PCSK5: variants seen among roughly 807,000 people sequenced by gnomAD.
PCSK5 encodes prohormone convertase 5.
A neutral mutation model predicts 233.2 loss-of-function variants in PCSK5; 129 were observed. The ratio of observed to expected loss-of-function variants is 0.55; its 90% CI spans 0.48 to 0.64. The LOEUF is 0.64. Ranked by LOEUF, PCSK5 falls within the 30% of genes least tolerant of loss-of-function variation. The pLI is 0.00. For missense variants in PCSK5, 2,076 were observed against 2,430.1 expected (o/e 0.85, Z 3.06); for synonymous variants, 825 against 879.2 (o/e 0.94, Z 1.09).
chr9:76,153,115 C>G (rs1823742122), intron 10 of PCSK5, among the ~76,000 whole-genome samples: 1 of 152,112 alleles, frequency 6.6e-6, no homozygotes, highest in Non-Finnish European at 1.5e-5. Flanking sequence ...TATCTTATAC[C>G]TATCAAAATG....
At chr9:75,923,896 A>G (rs1308893319) in intron 1 of PCSK5, among the ~76,000 whole-genome samples, 2 of 152,054 alleles carry the variant, frequency 1.3e-5, no homozygotes, top group Non-Finnish European at 2.9e-5. Flanking sequence ...AGCATTTTCA[A>G]ATCTTTCTCC....
chr9:76,057,784 C>T (rs1158312310), intron 5 of PCSK5, among the ~76,000 whole-genome samples: 1 of 149,234 alleles, frequency 6.7e-6, no homozygotes, highest in African/African-American at 2.5e-5. Context: ...TATTCAATTA[C>T]ATCTTTCCTG....
intron 2 of PCSK5, among the ~76,000 whole-genome samples, chr9:75,938,941 C>T (rs944177121): frequency 3.9e-5 from 6 of 152,118 alleles, no homozygotes; most frequent in African/African-American, 7.2e-5. Flanking sequence ...TTTTGATCAT[C>T]ACCTTCTCAA....
intron 13 of PCSK5, among the ~76,000 whole-genome samples, chr9:76,174,309 AT>A (rs199929777): frequency 1.9e-3 from 279 of 143,080 alleles, no homozygotes; most frequent in Admixed American, 2.0e-3. Context: ...CCAAAAAAAA[AT>A]TTTTTTTTTT....
intron 5 of PCSK5, among the ~76,000 whole-genome samples, chr9:76,054,243 G>A (rs1829742743): frequency 6.6e-6 from 1 of 152,160 alleles, no homozygotes; most frequent in South Asian, 2.1e-4. Context: ...TGGGGACACA[G>A]CCAAACCATA....
rs1430409427 is a variant in PCSK5 at position 76,046,583 on chromosome 9, C to T, written c.632+19546C>T. 5.6e-5 allele frequency among the ~76,000 whole-genome samples: 6 copies of T among 107,782 alleles called. No individual in the cohort carries two copies. The East Asian group carries it at 1.0e-3, about 19-fold the overall frequency. 70.7% of individuals were successfully genotyped at this position (107,782 alleles called of 152,430 possible). The stretch of plus-strand genomic sequence containing the variant: ...TCTTTTTTTTTTTTTTTTTTTGAGA[C>T]GGAGTGTGGCTCTGTTGCCCAGGCT... On this transcript the variant is annotated intron_variant, in intron 5 of 37. Transcript: ENST00000674117.
chr9:76,312,258 C>T (rs1213441143), intron 30 of PCSK5, among the ~76,000 whole-genome samples: 1 of 152,176 alleles, frequency 6.6e-6, no homozygotes, highest in Non-Finnish European at 1.5e-5. Flanking sequence ...CGCCTGTAAT[C>T]ACAGCATTTT....
rs141795283 is a variant in PCSK5 at position 76,111,168 on chromosome 9, C to T, written c.1208+3817C>T. Among the ~76,000 whole-genome samples the T allele has an allele frequency of 3.9e-5, 6 of 152,198 alleles. No individual in the cohort carries two copies. The Middle Eastern group carries it at 0.01, about 259-fold the overall frequency. ...AATAACTTTGCTGTAACAGCTAGTA[C>T]GACTCCCAGGCCATCCTTTTTCTAC... On this transcript the variant is annotated intron_variant, in intron 9 of 37. Coordinates refer to ENST00000674117, the MANE Select transcript of PCSK5 (RefSeq NM_001372043.1).
intron 9 of PCSK5, among the ~76,000 whole-genome samples, chr9:76,130,157 G>A (rs753705270): frequency 3.9e-5 from 6 of 152,054 alleles, no homozygotes; most frequent in Non-Finnish European, 7.4e-5. Flanking sequence ...ACCTTTGAAA[G>A]AATGGGTAAA....
intron 20 of PCSK5, among the ~76,000 whole-genome samples, chr9:76,225,779 A>G (rs1825870586): frequency 6.6e-6 from 1 of 152,250 alleles, no homozygotes; most frequent in African/African-American, 2.4e-5. Flanking sequence ...GTTACCAAGA[A>G]TGTAACCAGT....
At chr9:76,338,188 G>A (rs962376691) in intron 34 of PCSK5, 42 bp from the exon 35 acceptor site, 3 of 1,444,728 alleles carry the variant, frequency 2.1e-6, no homozygotes, top group Non-Finnish European at 2.9e-6. Flanking sequence ...CAATTTAGGA[G>A]CAAAGCTTAC....
intron 5 of PCSK5, among the ~76,000 whole-genome samples, chr9:76,055,080 A>T (rs1829772792): frequency 6.6e-6 from 1 of 152,134 alleles, no homozygotes; most frequent in African/African-American, 2.4e-5. Context: ...AATATTGTAC[A>T]TTATTCCCGA....
chr9:76,122,737 G>A (rs947732104), intron 9 of PCSK5, among the ~76,000 whole-genome samples: 4 of 150,866 alleles, frequency 2.7e-5, no homozygotes, highest in African/African-American at 9.7e-5. Context: ...TAATGTAAAC[G>A]AATCCTATGT....
intron 24 of PCSK5, among the ~76,000 whole-genome samples, chr9:76,279,904 G>A (rs1294281266): frequency 1.1e-4 from 17 of 151,794 alleles, no homozygotes; most frequent in Non-Finnish European, 5.9e-5. Context: ...CTGTGCAGAA[G>A]CTCTTTAGTT....
intron 24 of PCSK5, among the ~76,000 whole-genome samples, chr9:76,245,404 G>T (rs1245368660): frequency 6.6e-6 from 1 of 152,106 alleles, no homozygotes; most frequent in African/African-American, 2.4e-5. Context: ...ACAAATATAT[G>T]CACCAAAAGG....
chr9:76,193,451 C>T lies in PCSK5; in HGVS notation c.2626+3705C>T, dbSNP rs946163825. Reference sequence around the variant, plus strand: ...AAGAAAAAAAAAAAAAGCAAGCCACCTCTCTCTTTCTTTTCTTGCTCTCTT... The same window carrying T: ...AAGAAAAAAAAAAAAAGCAAGCCACTTCTCTCTTTCTTTTCTTGCTCTCTT... On this transcript the variant is annotated intron_variant, in intron 20 of 37. Coordinates refer to ENST00000674117, the MANE Select transcript of PCSK5 (RefSeq NM_001372043.1). The T allele has an allele frequency of 3.3e-5, 28 of 850,960 alleles. No individual in the cohort carries two copies. The African/African-American group carries it at 4.7e-4, about 14-fold the overall frequency. The allele number at this position is 850,960 out of a possible 1,614,324, so 52.7% of individuals were successfully genotyped here.
intron 2 of PCSK5, among the ~76,000 whole-genome samples, chr9:75,973,688 A>G (rs562591268): frequency 6.6e-6 from 1 of 152,272 alleles, no homozygotes; most frequent in South Asian, 2.1e-4. Context: ...CTAAGTATTT[A>G]ATATTAAACT....
chr9:76,165,732 T>C (rs1014592421), intron 12 of PCSK5, among the ~76,000 whole-genome samples: 1 of 152,244 alleles, frequency 6.6e-6, no homozygotes, highest in Admixed American at 6.5e-5. Context: ...ATGGAGTTAA[T>C]GTACTTAGGC....
chr9:76,175,488 A>G, intron 14 of PCSK5: 1 of 370,068 alleles, frequency 2.7e-6, no homozygotes, highest in East Asian at 3.9e-5. Context: ...GTTAATCTGT[A>G]ATCTGGGACA....
Sources: allele counts gnomAD v4.1 joint callset (sites outside exome capture counted in the v4.1 genomes callset), GRCh38; gene constraint gnomAD v4.1.1; transcripts MANE v1.5; gene names NCBI Gene and HGNC (gene_info 2026-07-23, HGNC 2026-07-21).